POLE: variants seen among roughly 807,000 people sequenced by gnomAD.
POLE encodes the protein DNA polymerase epsilon catalytic subunit A.
Under a neutral mutation model 279.2 loss-of-function variants are expected in POLE, and 188 were observed. That is an observed-to-expected ratio of 0.67 (90% CI 0.60 to 0.76). POLE has a LOEUF of 0.76. Among genes scored for constraint, POLE ranks in the 30% least tolerant of loss-of-function variants. POLE has a pLI of 0.00. For missense variants in POLE, 2,703 were observed against 3,016.7 expected (o/e 0.90, Z 2.44); for synonymous variants, 1,214 against 1,172.5 (o/e 1.04, Z -0.72).
Position 132,686,353 on chromosome 12 carries a change from G to A in POLE, c.62+901C>T, listed in dbSNP as rs569674493. Among the ~76,000 whole-genome samples, 133 of 152,248 alleles carry A rather than the reference G, an allele frequency of 8.7e-4. 1 individual carries two copies. Among genetic ancestry groups the A allele is most frequent in the African/African-American group, 3.0e-3 (126 of 41,554 alleles). On this transcript the variant is annotated intron_variant, in intron 1 of 48. Coordinates refer to ENST00000320574, the MANE Select transcript of POLE (RefSeq NM_006231.4). ...GCTCACAGCAGCCTTGACCTGCCGG[G>A]CTCAGGTGAACCTCCGGCTCGGATT...
At chr12:132,681,104 A>G in intron 2 of POLE, 34 bp downstream of exon 2, 2 of 1,612,700 alleles carry the variant, frequency 1.2e-6, no homozygotes, top group South Asian at 1.1e-5. Context: ...GGTTGCAGCC[A>G]TATTCCTGGG....
Position 132,624,935 on chromosome 12 carries a change from C to T in POLE, c.6717G>A (p.Ala2239=), listed in dbSNP as rs770341236. The change falls in exon 48 of 49, where the codon GCG becomes GCA. Residue 2239 remains alanine, a synonymous_variant. Coordinates refer to ENST00000320574, the MANE Select transcript of POLE (RefSeq NM_006231.4). ...ETSMPVYCSC[A]GDFALTIHTQ... ...TGTGGATGGTGAGGGCGAAGTCTCC[C>T]GCGCAGCTGCAGTACACAGGCATGC... 17 of 1,613,970 alleles carry T rather than the reference C, an allele frequency of 1.1e-5. No homozygotes were observed. Among genetic ancestry groups the T allele is most frequent in the South Asian group, 2.2e-5 (2 of 91,088 alleles).
chr12:132,625,735 G>C lies in POLE; in HGVS notation c.6567C>G (p.Asn2189Lys). ...GAVLPQWLCS[N>K]CQAPYDSSAI... ...CAGAGGAGTCGTAGGGCGCCTGACA[G>C]TTGGAGCAGAGCCACTGAGGCAGGA... Residue 2189 changes from asparagine (N) to lysine (K), a missense_variant, in exon 47 of 49, where the codon AAC (asparagine) becomes AAG (lysine). Around this residue, in one of 5 missense-constraint regions of POLE, gnomAD observed 1,551 missense variants for 1,686.1 expected, o/e 0.92. Coordinates refer to ENST00000320574, the MANE Select transcript of POLE (RefSeq NM_006231.4). The C allele has an allele frequency of 6.2e-7, 1 of 1,613,004 alleles. No individual in the cohort carries two copies. The highest frequency in any genetic ancestry group is 8.5e-7 in the Non-Finnish European group (1 of 1,180,020).
intron 45 of POLE, among the ~76,000 whole-genome samples, chr12:132,626,763 G>T (rs2041848297): frequency 6.6e-6 from 1 of 151,992 alleles, no homozygotes; most frequent in Non-Finnish European, 1.5e-5. Context: ...CATAGATAAG[G>T]TTACTAAGTT....
At position 132,664,683 on chromosome 12, in the gene POLE, G is replaced by T. The variant is rs2042752403; in HGVS notation, c.2469-221C>A. ...CCCAGGAAGGATCTGGAAGGGTGCA[G>T]TATGTGCCACTGCGTCCAGCCGTTC... On this transcript the variant is annotated intron_variant, in intron 21 of 48. Coordinates refer to ENST00000320574, the MANE Select transcript of POLE (RefSeq NM_006231.4). The surrounding 1 kb of genome is among the most constrained non-coding windows in gnomAD (Gnocchi z 5.3). Among the ~76,000 whole-genome samples, 2 of 152,200 alleles carry T rather than the reference G, an allele frequency of 1.3e-5. No individual in the cohort carries two copies. The highest frequency in any genetic ancestry group is 4.8e-5 in the African/African-American group (2 of 41,454).
At chr12:132,686,021 A>C (rs2043253579) in intron 1 of POLE, among the ~76,000 whole-genome samples, 1 of 151,926 alleles carries the variant, frequency 6.6e-6, no homozygotes, top group South Asian at 2.1e-4. Context: ...GATTACAGGC[A>C]TGCGCCACCA....
intron 1 of POLE, among the ~76,000 whole-genome samples, chr12:132,683,105 C>T (rs913603026): frequency 6.6e-6 from 1 of 152,162 alleles, no homozygotes; most frequent in Non-Finnish European, 1.5e-5. Flanking sequence ...ATTATAACCA[C>T]TTGTGGTAGG....
intron 20 of POLE, among the ~76,000 whole-genome samples, chr12:132,666,210 T>C (rs1037547965): frequency 6.6e-6 from 1 of 152,188 alleles, no homozygotes; most frequent in Non-Finnish European, 1.5e-5. Flanking sequence ...AGACAAAATG[T>C]GACAAATCCA....
rs915331738 is a variant in POLE at position 132,667,644 on chromosome 12, G to A, written c.2178C>T (p.Tyr726=). The change falls in exon 20 of 49, where the codon TAC becomes TAT. Residue 726 remains tyrosine (Y), a synonymous_variant. Transcript: ENST00000320574. ...GGATCTTCTTGTAGGCTTTCCGGCA[G>A]TAATCTAAGCACGACGGAGATGGGC... ...AKYEKRRLAD[Y]CRKAYKKIHI... 9 of 1,614,042 alleles carry A rather than the reference G, an allele frequency of 5.6e-6. No individual in the cohort carries two copies. In the African/African-American group the frequency reaches 1.1e-4, roughly 19 times the overall value.
intron 20 of POLE, 141 bp from the exon 21 acceptor site, chr12:132,665,591 T>C: frequency 7.9e-6 from 7 of 889,286 alleles, no homozygotes; most frequent in East Asian, 2.7e-5. Context: ...AGAGTGTACA[T>C]TCTTCTCCTA....
intron 41 of POLE, 117 bp downstream of exon 41, chr12:132,637,897 T>A: frequency 8.7e-7 from 1 of 1,153,258 alleles, no homozygotes; most frequent in East Asian, 2.5e-5. Context: ...CCATGGTGAG[T>A]CCTGCACTTC....
chr12:132,657,280 C>G, intron 28 of POLE, 22 bp from the exon 29 acceptor site: 2 of 1,614,080 alleles, frequency 1.2e-6, no homozygotes, highest in Non-Finnish European at 1.7e-6. Context: ...CAACACCCAT[C>G]AGAGAGAGAC....
Position 132,679,587 on chromosome 12 carries a change from A to G in POLE, c.488T>C (p.Leu163Pro). 1 of 1,614,106 alleles carries G rather than the reference A, an allele frequency of 6.2e-7. No homozygotes were observed. Among genetic ancestry groups the G allele is most frequent in the Non-Finnish European group, 8.5e-7 (1 of 1,179,950 alleles). Residue 163 changes from leucine (L) to proline (P), a missense_variant, in exon 6 of 49, where the codon CTT (leucine) becomes CCT (proline). Physicochemically the swap from Leu to Pro is moderately conservative, Grantham distance 98 (BLOSUM62 -3). Transcript: ENST00000320574. Reference sequence around the variant, plus strand: ...GGAGATCTCCTTCCTCACTTTGACAAGATCCTCCACAGTGTGGAAGGACAG... The same window carrying G: ...GGAGATCTCCTTCCTCACTTTGACAGGATCCTCCACAGTGTGGAAGGACAG... ...IRLSFHTVED[L>P]VKVRKEISPA...
chr12:132,677,067 C>A (rs2043070381), intron 8 of POLE, among the ~76,000 whole-genome samples: 1 of 152,212 alleles, frequency 6.6e-6, no homozygotes, highest in African/African-American at 2.4e-5. Flanking sequence ...AGTTACAAAT[C>A]CATTTTTCAC....
At chr12:132,643,120 G>A in intron 35 of POLE, 104 bp downstream of exon 35, 1 of 1,473,544 alleles carries the variant, frequency 6.8e-7, no homozygotes. Context: ...ATGGGCAAAG[G>A]CCCTTGAGGA....
Position 132,644,088 on chromosome 12 carries a change from C to T in POLE, c.4150-111G>A, listed in dbSNP as rs897818878. 35 of 1,064,278 alleles carry T rather than the reference C, an allele frequency of 3.3e-5. No homozygotes were observed. The South Asian group carries it at 3.8e-4, about 12-fold the overall frequency. 65.9% of individuals were successfully genotyped at this position (1,064,278 alleles called of 1,614,324 possible). A position where few individuals can be genotyped will look rare whatever the true frequency, so the allele number is the denominator to read the frequency against. ...CCTAGACTTCTGGTGCCCCTAGCGA[C>T]GGGGTACACCCACCACGCCACAGTC... is the stretch of plus-strand genomic sequence containing the variant. On this transcript the variant is annotated intron_variant, in intron 32 of 48. Coordinates refer to ENST00000320574, the MANE Select transcript of POLE (RefSeq NM_006231.4).
Position 132,624,723 on chromosome 12 carries a change from GCAGCAGC to G in POLE, c.6828_6834del (p.Trp2276CysfsTer48). On this transcript the variant is annotated frameshift_variant, in exon 49 of 49. Transcript: ENST00000320574. LOFTEE classifies it high-confidence loss of function. Reference sequence around the variant, plus strand: ...TAATGGCCCAGCTGTGGGTTCTTCTGCAGCAGCCACTCCAGGGTCTCCAGGAGGTACG... The same window carrying G: ...TAATGGCCCAGCTGTGGGTTCTTCTGCACTCCAGGGTCTCCAGGAGGTACG... 1 of 1,612,318 alleles carries G rather than the reference GCAGCAGC, an allele frequency of 6.2e-7. No homozygotes were observed. Among genetic ancestry groups the G allele is most frequent in the South Asian group, 1.1e-5 (1 of 91,040 alleles).
chr12:132,649,767 A>G lies in POLE; in HGVS notation c.3705T>C (p.Leu1235=), dbSNP rs1226409558. 35 of 1,614,158 alleles carry G rather than the reference A, an allele frequency of 2.2e-5. No individual in the cohort carries two copies. The highest frequency in any genetic ancestry group is 3.0e-5 in the Non-Finnish European group (35 of 1,180,026). Residue 1235 remains leucine, a synonymous_variant, in exon 30 of 49, where the codon CTT becomes CTC. Transcript: ENST00000320574. ...CCTGGGACTCCTCCTGGCTCTCCCA[A>G]AGAACTCGCTTCCTCTTCACAGTGA... The part of the protein sequence containing the change: ...APVTVKRKRV[L]WESQEESQDL...
At chr12:132,680,899 A>G in intron 2 of POLE, 1 of 629,822 alleles carries the variant, frequency 1.6e-6, no homozygotes, top group Non-Finnish European at 2.7e-6. Context: ...CTCCCTCATA[A>G]TCCTTGAAAG....
Sources: gnomAD v4.1 joint callset for allele counts (sites outside exome capture counted in the v4.1 genomes callset) on GRCh38, gnomAD v4.1.1 for gene constraint, gnomAD v4.1.1 regional missense constraint, Gnocchi (gnomAD v3.1) non-coding constraint, MANE v1.5 for transcripts, NCBI Gene and HGNC (gene_info 2026-07-23, HGNC 2026-07-21) for gene names.